The following SIPA1L2 variants were observed in gnomAD, a reference collection of about 807,000 sequenced individuals.
SIPA1L2 encodes signal induced proliferation associated 1 like 2, also known as signal-induced proliferation-associated 1-like protein 2.
A neutral mutation model predicts 163.9 loss-of-function variants in SIPA1L2; 56 were observed. The ratio of observed to expected loss-of-function variants is 0.34; its 90% CI spans 0.28 to 0.43. The LOEUF (loss-of-function observed/expected upper bound fraction) is 0.43. Ranked by LOEUF, SIPA1L2 falls within the 20% of genes least tolerant of loss-of-function variation. SIPA1L2 has a pLI of 1.00. For missense variants in SIPA1L2, 1,974 were observed against 2,193.5 expected, an observed-to-expected ratio of 0.90 and a Z score of 2.00; for synonymous variants, 877 against 865.7, an observed-to-expected ratio of 1.01 and a Z score of -0.23.
At chr1:232,522,374 C>T (rs1052848565) in intron 2 of SIPA1L2, among the ~76,000 whole-genome samples, 1 of 152,104 alleles carries the variant, frequency 6.6e-6, no homozygotes, top group Non-Finnish European at 1.5e-5. Flanking sequence ...CACATCTCTT[C>T]AAGATGTATT....
intron 19 of SIPA1L2, among the ~76,000 whole-genome samples, chr1:232,410,804 T>C (rs1426864965): frequency 6.6e-5 from 10 of 152,058 alleles, no homozygotes; most frequent in Admixed American, 6.6e-4. Flanking sequence ...ATTAAAAAAA[T>C]CTCTATGTCT....
intron 10 of SIPA1L2, among the ~76,000 whole-genome samples, chr1:232,454,564 G>A (rs900014184): frequency 2.0e-5 from 3 of 152,104 alleles, no homozygotes; most frequent in East Asian, 1.9e-4. Context: ...GCTATCTGAC[G>A]CCTGATTTTT....
chr1:232,593,072 C>A (rs1661049298), intron 1 of SIPA1L2, among the ~76,000 whole-genome samples: 1 of 152,182 alleles, frequency 6.6e-6, no homozygotes, highest in African/African-American at 2.4e-5. Context: ...ACTCAGACAG[C>A]AGCTGCAAAA....
chr1:232,462,544 T>C (rs1370459629), intron 9 of SIPA1L2: 1 of 392,610 alleles, frequency 2.5e-6, no homozygotes, highest in African/African-American at 2.0e-5. Flanking sequence ...CTCAGCAAAA[T>C]GCGGAAAGGG....
rs749988252 is a variant in SIPA1L2, at chr1:232,461,114, G to A, written c.2868C>T (p.Asn956=). 14 of 1,614,144 alleles carry A rather than the reference G, an allele frequency of 8.7e-6. No individual in the cohort carries two copies. Among genetic ancestry groups the A allele is most frequent in the African/African-American group, 4.0e-5 (3 of 74,960 alleles). Residue 956 remains asparagine, a synonymous_variant, in exon 10 of 23, where the codon AAC becomes AAT. Transcript: ENST00000674635. ...CETVEMTLRR[N]GLGQLGFHVN... is the part of the protein sequence containing the mutation. ...CATGGAAGCCAAGCTGGCCCAGCCC[G>A]TTCCTCCTCAGGGTCATTTCCACAG...
rs16857696 is a variant in SIPA1L2 at position 232,568,973 on chromosome 1, T to G, written c.-270+5201A>C. On this transcript the variant is annotated intron_variant, in intron 2 of 22. Transcript: ENST00000674635. The stretch of plus-strand genomic sequence containing the variant: ...TTTTCCCCTTTAGATTACAAACTCT[T>G]GACGGGGAAGGGCTGCCTTTTCATC... Among the ~76,000 whole-genome samples, 7,494 of 152,282 alleles carry G rather than the reference T, an allele frequency of 0.049. 850 individuals are homozygous for G. The East Asian group carries it at 0.5, about 10-fold the overall frequency.
At chr1:232,412,148 T>C (rs1660992334) in intron 19 of SIPA1L2, among the ~76,000 whole-genome samples, 1 of 152,184 alleles carries the variant, frequency 6.6e-6, no homozygotes, top group Non-Finnish European at 1.5e-5. Flanking sequence ...TCTAAATTCT[T>C]AAACTCGCAT....
intron 3 of SIPA1L2, among the ~76,000 whole-genome samples, chr1:232,501,939 A>G (rs1258004115): frequency 8.1e-6 from 1 of 122,874 alleles, no homozygotes; most frequent in Non-Finnish European, 1.6e-5. Flanking sequence ...TTCTCCCTGG[A>G]GCTTTTTTAC....
chr1:232,460,575 A>G (rs1484482227), intron 10 of SIPA1L2, among the ~76,000 whole-genome samples: 1 of 152,228 alleles, frequency 6.6e-6, no homozygotes, highest in Non-Finnish European at 1.5e-5. Flanking sequence ...CCTCTTAGAT[A>G]TAAGAGGTCC....
In SIPA1L2 at chr1:232,490,557, A is replaced by G. The variant is rs1217992308; in HGVS notation, c.1806+317T>C. On this transcript the variant is annotated intron_variant, in intron 5 of 22. Transcript: ENST00000674635. ...ATGTTGGTTCAGGAAAAGGGCCATA[A>G]GAGATTTTTAAACCCTGGAAAAAAA... 5 of 253,314 alleles carry G rather than the reference A, an allele frequency of 2.0e-5. No individual in the cohort carries two copies. In the East Asian group the frequency reaches 5.0e-4, roughly 25 times the overall value. The allele number at this position is 253,314 out of a possible 1,614,324, so 15.7% of individuals were successfully genotyped here. A position where few individuals can be genotyped will look rare whatever the true frequency, so the allele number is the denominator to read the frequency against.
chr1:232,609,829 C>CAAAAAAAAAAA (rs71173228), intron 1 of SIPA1L2, among the ~76,000 whole-genome samples: 1 of 102,344 alleles, frequency 9.8e-6, no homozygotes, highest in Non-Finnish European at 2.0e-5. Context: ...GACTCCATCT[C>CAAAAAAAAAAA]AAAAAAAAAA....
chr1:232,454,578 G>C (rs112082641), intron 10 of SIPA1L2, among the ~76,000 whole-genome samples: 3 of 152,180 alleles, frequency 2.0e-5, no homozygotes, highest in African/African-American at 7.2e-5. Flanking sequence ...GATTTTTGAC[G>C]AATGTATTTC....
At chr1:232,419,109 T>C (rs1661424256) in intron 18 of SIPA1L2, among the ~76,000 whole-genome samples, 1 of 152,218 alleles carries the variant, frequency 6.6e-6, no homozygotes, top group African/African-American at 2.4e-5. Flanking sequence ...GGGGGAGGCC[T>C]GTCCAAGGAG....
At chr1:232,559,624 C>A (rs758956357) in intron 2 of SIPA1L2, among the ~76,000 whole-genome samples, 11 of 152,056 alleles carry the variant, frequency 7.2e-5, no homozygotes, top group Non-Finnish European at 1.0e-4. Flanking sequence ...ACAGACATAC[C>A]ATGTATTTAT....
rs776171715 is a variant in SIPA1L2, at chr1:232,514,000, C to T, written c.1340G>A (p.Ser447Asn). Residue 447 changes from serine to asparagine, a missense_variant, in exon 3 of 23, where the codon AGC (serine) becomes AAC (asparagine). Ser to Asn is a conservative substitution (Grantham distance 46, BLOSUM62 1). Around this residue, in one of 3 missense-constraint regions of SIPA1L2, gnomAD observed 607 missense variants for 624.0 expected, o/e 0.97. Coordinates refer to ENST00000674635, the MANE Select transcript of SIPA1L2 (RefSeq NM_020808.5). ...GESCSFESSLSSHCTNAGVSV... is the reference protein window; with the variant it reads ...GESCSFESSLNSHCTNAGVSV... ...GACACCTGCATTTGTGCAGTGAGAGCTGAGTGACGATTCGAAAGAGCAGCT... is the reference window on the plus strand; with the variant it reads ...GACACCTGCATTTGTGCAGTGAGAGTTGAGTGACGATTCGAAAGAGCAGCT... 2 of 1,614,086 alleles carry T rather than the reference C, an allele frequency of 1.2e-6. No homozygotes were observed. The highest frequency in any genetic ancestry group is 1.7e-6 in the Non-Finnish European group (2 of 1,180,044).
At chr1:232,503,345 A>G (rs1173599376) in intron 3 of SIPA1L2, among the ~76,000 whole-genome samples, 1 of 152,236 alleles carries the variant, frequency 6.6e-6, no homozygotes, top group Non-Finnish European at 1.5e-5. Context: ...TCACAGGGAA[A>G]AAAAATGGGG....
chr1:232,522,783 T>G (rs538947301), intron 2 of SIPA1L2, among the ~76,000 whole-genome samples: 2 of 152,164 alleles, frequency 1.3e-5, no homozygotes. Context: ...TAGCTGAAAA[T>G]GTAATATATG....
At chr1:232,462,186 C>T in intron 9 of SIPA1L2, 1 of 1,540,476 alleles carries the variant, frequency 6.5e-7, no homozygotes, top group Non-Finnish European at 8.8e-7. Context: ...CCCTCAAAAG[C>T]ACTCACCGAG....
chr1:232,619,843 T>C (rs1662705189), intron 1 of SIPA1L2, among the ~76,000 whole-genome samples: 1 of 152,210 alleles, frequency 6.6e-6, no homozygotes, highest in South Asian at 2.1e-4. Flanking sequence ...CCCACTTGTA[T>C]CATCTGCAAT....
Sources: allele counts gnomAD v4.1 joint callset (sites outside exome capture counted in the v4.1 genomes callset), GRCh38; gene constraint gnomAD v4.1.1; regional missense constraint gnomAD v4.1.1; transcripts MANE v1.5; gene names NCBI Gene and HGNC (gene_info 2026-07-23, HGNC 2026-07-21).